The following MARK2 variants were observed in gnomAD, a reference collection of about 807,000 sequenced individuals.
The protein encoded by MARK2 is serine/threonine-protein kinase MARK2.
Under a neutral mutation model 89.8 loss-of-function variants are expected in MARK2, and 16 were observed. The observed-to-expected ratio is 0.18, with a 90% confidence interval of 0.12 to 0.27. MARK2 has a LOEUF of 0.27. MARK2 is among the 10% of genes least tolerant of loss of function. MARK2 has a pLI of 1.00. For missense variants in MARK2, 621 were observed against 1,049.9 expected, an observed-to-expected ratio of 0.59 and a Z score of 5.65; for synonymous variants, 382 against 399.5, an observed-to-expected ratio of 0.96 and a Z score of 0.52.
At chr11:63,861,983 G>T (rs1298128883) in intron 1 of MARK2, among the ~76,000 whole-genome samples, 4 of 146,056 alleles carry the variant, frequency 2.7e-5, no homozygotes, top group Non-Finnish European at 6.0e-5. Context: ...GAGTGCAGTG[G>T]CACTGTCTTG....
At chr11:63,849,049 G>T (rs2016429236) in intron 1 of MARK2, among the ~76,000 whole-genome samples, 1 of 152,100 alleles carries the variant, frequency 6.6e-6, no homozygotes, top group African/African-American at 2.4e-5. Flanking sequence ...CTGTCACCCA[G>T]GCTAGTATGC....
intron 1 of MARK2, among the ~76,000 whole-genome samples, chr11:63,848,841 G>A (rs1042518067): frequency 2.0e-5 from 3 of 151,798 alleles, no homozygotes; most frequent in Admixed American, 1.3e-4. Flanking sequence ...GATTACAGGC[G>A]TGAGCCACCG....
chr11:63,854,378 G>GTT (rs61469139), intron 1 of MARK2, among the ~76,000 whole-genome samples: 36 of 108,778 alleles, frequency 3.3e-4, no homozygotes, highest in East Asian at 1.4e-3. Context: ...TTTTCTATTT[G>GTT]TTTTTTTTTT....
At chr11:63,886,479 C>A (rs188367475) in intron 1 of MARK2, among the ~76,000 whole-genome samples, 1 of 151,956 alleles carries the variant, frequency 6.6e-6, no homozygotes, top group Non-Finnish European at 1.5e-5. Flanking sequence ...GGCTGGAGTG[C>A]AGTGGTGCAA....
At chr11:63,871,009 A>G (rs1763800038) in intron 1 of MARK2, among the ~76,000 whole-genome samples, 2 of 152,310 alleles carry the variant, frequency 1.3e-5, no homozygotes, top group African/African-American at 4.8e-5. Context: ...TGTGGGCAAA[A>G]ATCCAGAAAC....
intron 1 of MARK2, among the ~76,000 whole-genome samples, chr11:63,886,908 G>A (rs1044923967): frequency 4.6e-5 from 7 of 152,280 alleles, no homozygotes; most frequent in African/African-American, 1.7e-4. Context: ...AAATGAAGCT[G>A]TTTGATCCTG....
chr11:63,843,490 A>G, intron 1 of MARK2, among the ~76,000 whole-genome samples: 1 of 152,284 alleles, frequency 6.6e-6, no homozygotes, highest in Non-Finnish European at 1.5e-5. Context: ...TTATTCTCTC[A>G]GTTCTAGGAA....
At chr11:63,891,222 G>T (rs947497512) in intron 1 of MARK2, among the ~76,000 whole-genome samples, 1 of 151,736 alleles carries the variant, frequency 6.6e-6, no homozygotes, top group Non-Finnish European at 1.5e-5. Context: ...CCTAAGTGCT[G>T]CCTGTAAAGG....
chr11:63,904,279 C>A lies in MARK2; in HGVS notation c.1676+132C>A. 1.3e-6 allele frequency: 1 copy of A among 764,684 alleles called. No homozygotes were observed. Among genetic ancestry groups the A allele is most frequent in the Non-Finnish European group, 2.0e-6 (1 of 495,900 alleles). 47.4% of individuals were successfully genotyped at this position (764,684 alleles called of 1,614,324 possible). ...TCTTAGCCACAAGAAATGGGTCTGTCCCCTGCGGCCAGGAAGTGGAGGGAA... is the reference window on the plus strand; with the variant it reads ...TCTTAGCCACAAGAAATGGGTCTGTACCCTGCGGCCAGGAAGTGGAGGGAA... On this transcript the variant is annotated intron_variant, in intron 15 of 18. Coordinates refer to ENST00000402010, the MANE Select transcript of MARK2 (RefSeq NM_001039469.3). The surrounding 1 kb of genome is among the most constrained non-coding windows in gnomAD (Gnocchi z 6.3).
At chr11:63,907,154 C>T (rs1189543117) in intron 17 of MARK2, among the ~76,000 whole-genome samples, 1 of 152,206 alleles carries the variant, frequency 6.6e-6, no homozygotes, top group Non-Finnish European at 1.5e-5. Flanking sequence ...TCAGGCCCTG[C>T]ATTGGGACTG....
At position 63,902,165 on chromosome 11, in the gene MARK2, C is replaced by T. The variant is rs759137385; in HGVS notation, c.1102-33C>T. 6.2e-7 allele frequency: 1 copy of T among 1,612,206 alleles called. No homozygotes were observed. Among genetic ancestry groups the T allele is most frequent in the Non-Finnish European group, 8.5e-7 (1 of 1,178,628 alleles). On this transcript the variant is annotated intron_variant, in intron 11 of 18. Transcript: ENST00000402010. This position sits in a 1 kb window ranked among gnomAD's most constrained non-coding sequence, Gnocchi z 4.2. ...CATAGGGATCTCCACATGACTTCTG[C>T]CCTCCCTTGAAGCTGTTTTCTGTTT...
intron 7 of MARK2, 72 bp from the exon 8 acceptor site, chr11:63,899,802 C>T (rs1157260860): frequency 2.0e-6 from 2 of 984,496 alleles, no homozygotes; most frequent in South Asian, 2.7e-5. Flanking sequence ...TCCCATTCCC[C>T]TCAGCTCCTT....
chr11:63,858,993 T>C (rs1290071829), intron 1 of MARK2, among the ~76,000 whole-genome samples: 1 of 152,234 alleles, frequency 6.6e-6, no homozygotes, highest in Non-Finnish European at 1.5e-5. Context: ...TACTTTATGT[T>C]TTTTTATTCC....
intron 1 of MARK2, among the ~76,000 whole-genome samples, chr11:63,862,960 C>T (rs887377263): frequency 3.3e-5 from 5 of 152,196 alleles, no homozygotes; most frequent in Admixed American, 6.5e-5. Flanking sequence ...TTCTCTCTTA[C>T]AACCGTCTGT....
At chr11:63,895,497 G>C (rs1334224044) in intron 2 of MARK2, 83 bp from the exon 3 acceptor site, 1 of 1,458,508 alleles carries the variant, frequency 6.9e-7, no homozygotes, top group African/African-American at 1.4e-5. Flanking sequence ...AAAGGAGTAA[G>C]AAATATAAAG....
chr11:63,901,692 C>CTGTG (rs56308004), intron 11 of MARK2, among the ~76,000 whole-genome samples: 4,072 of 134,764 alleles, frequency 0.03, 73 homozygotes, highest in African/African-American at 0.054. Flanking sequence ...GTGTGTGTAT[C>CTGTG]TGTGTGTGTG....
chr11:63,875,638 G>C (rs995609205), intron 1 of MARK2, among the ~76,000 whole-genome samples: 2 of 152,216 alleles, frequency 1.3e-5, no homozygotes, highest in Non-Finnish European at 2.9e-5. Flanking sequence ...CCCAGGACAT[G>C]CAGCTGTTTC....
Position 63,908,986 on chromosome 11 carries a change from G to A in MARK2, c.2116G>A (p.Glu706Lys). Reference protein sequence around the residue: ...TWSMKTTSSMEPNEMMREIRK... With the variant: ...TWSMKTTSSMKPNEMMREIRK... Reference sequence around the variant, plus strand: ...GAGTATGAAGACCACGAGCTCCATGGAGCCCAACGAGATGATGCGGGAGAT... The same window carrying A: ...GAGTATGAAGACCACGAGCTCCATGAAGCCCAACGAGATGATGCGGGAGAT... The change falls in exon 19 of 19, where the codon GAG (glutamate) becomes AAG (lysine). Residue 706 changes from glutamate (E) to lysine (K), a missense_variant. Glu to Lys is a moderately conservative substitution (Grantham distance 56). Coordinates refer to ENST00000402010, the MANE Select transcript of MARK2 (RefSeq NM_001039469.3). 6.3e-7 allele frequency: 1 copy of A among 1,576,006 alleles called. No homozygotes were observed. Among genetic ancestry groups the A allele is most frequent in the Non-Finnish European group, 8.7e-7 (1 of 1,151,272 alleles).
chr11:63,859,333 T>TTC (rs1554974603), intron 1 of MARK2, among the ~76,000 whole-genome samples: 1 of 151,402 alleles, frequency 6.6e-6, no homozygotes, highest in African/African-American at 2.4e-5. Flanking sequence ...TTTTTTTTTT[T>TTC]CCCCGAGAAG....
Sources: gnomAD v4.1 joint callset for allele counts (sites outside exome capture counted in the v4.1 genomes callset) on GRCh38, gnomAD v4.1.1 for gene constraint, Gnocchi (gnomAD v3.1) non-coding constraint, MANE v1.5 for transcripts, NCBI Gene and HGNC (gene_info 2026-07-23, HGNC 2026-07-21) for gene names.